IGDCC3: variants seen among roughly 807,000 people sequenced by gnomAD.
IGDCC3 encodes the protein putative neuronal cell adhesion molecule.
A neutral mutation model predicts 72.0 loss-of-function variants in IGDCC3; 47 were observed. The observed-to-expected ratio is 0.65, with a 90% CI of 0.52 to 0.83. The LOEUF (loss-of-function observed/expected upper bound fraction) is 0.83, where lower values mean the gene tolerates loss of function less well. Ranked by LOEUF, IGDCC3 falls within the 40% of genes least tolerant of loss-of-function variation. The pLI, the probability that IGDCC3 is intolerant of heterozygous loss-of-function variation, is 0.00. For missense variants in IGDCC3, 1,038 were observed against 1,091.3 expected, an observed-to-expected ratio of 0.95 and a Z score of 0.69; for synonymous variants, 477 against 472.8, an observed-to-expected ratio of 1.01 and a Z score of -0.11.
intron 2 of IGDCC3, among the ~76,000 whole-genome samples, chr15:65,342,753 G>A (rs369912746): frequency 1.4e-4 from 22 of 152,304 alleles, no homozygotes; most frequent in African/African-American, 4.6e-4. Flanking sequence ...CAGATCCCAC[G>A]CTAGGGCTGT....
intron 2 of IGDCC3, among the ~76,000 whole-genome samples, chr15:65,374,588 T>A (rs561515600): frequency 6.6e-6 from 1 of 152,310 alleles, no homozygotes; most frequent in South Asian, 2.1e-4. Flanking sequence ...ATTTTTTTAA[T>A]GCAAACTATT....
chr15:65,357,485 C>T (rs1351834673), intron 2 of IGDCC3, among the ~76,000 whole-genome samples: 1 of 152,202 alleles, frequency 6.6e-6, no homozygotes, highest in African/African-American at 2.4e-5. Flanking sequence ...CTAGACTGCC[C>T]ATAGCCAAAC....
Position 65,329,037 on chromosome 15 carries a change from T to G in IGDCC3, c.2317A>C (p.Thr773Pro). 1 of 1,612,638 alleles carries G rather than the reference T, an allele frequency of 6.2e-7. No individual in the cohort carries two copies. The highest frequency in any genetic ancestry group is 8.5e-7 in the Non-Finnish European group (1 of 1,179,548). ...GCCGCCAGGCCGGCGCAGGGAGCCG[T>G]GGCCTCTGTGGTCTTCGCCTCCGTC... ...KTTEAKTTEA[T>P]APCAGLAAAP... is the part of the protein sequence containing the mutation. Residue 773 changes from threonine (T) to proline (P), a missense_variant, in exon 14 of 14, where the codon ACG becomes CCG. Thr to Pro is a conservative substitution (Grantham distance 38). Coordinates refer to ENST00000327987, the MANE Select transcript of IGDCC3 (RefSeq NM_004884.4). The surrounding 1 kb of genome is among the most constrained non-coding windows in gnomAD (Gnocchi z 4.1).
At chr15:65,363,658 A>T (rs949595276) in intron 2 of IGDCC3, among the ~76,000 whole-genome samples, 1 of 132,686 alleles carries the variant, frequency 7.5e-6, no homozygotes, top group Admixed American at 7.1e-5. Flanking sequence ...CACCCCCGCC[A>T]CCCGCCTCCT....
At position 65,377,596 on chromosome 15, in the gene IGDCC3, C is replaced by G. The variant is rs1375124735; in HGVS notation, c.103+90G>C. On this transcript the variant is annotated intron_variant, in intron 1 of 13. Transcript: ENST00000327987. The surrounding 1 kb of genome is among the most constrained non-coding windows in gnomAD (Gnocchi z 4.9). ...CCGCCCTCAGGTCCGCGCCGCTCTC[C>G]CCGGGTCCGCCCCTCGCGCCCGCTC... is the stretch of plus-strand genomic sequence containing the variant. 1.3e-5 allele frequency: 16 copies of G among 1,261,466 alleles called. No individual in the cohort carries two copies. The highest frequency in any genetic ancestry group is 1.6e-5 in the Non-Finnish European group (16 of 991,940). 78.1% of individuals were successfully genotyped at this position (1,261,466 alleles called of 1,614,324 possible). A position where few individuals can be genotyped will look rare whatever the true frequency, so the allele number is the denominator to read the frequency against.
chr15:65,377,589 C>T lies in IGDCC3; in HGVS notation c.103+97G>A. 1 of 1,211,626 alleles carries T rather than the reference C, an allele frequency of 8.3e-7. No individual in the cohort carries two copies. The highest frequency in any genetic ancestry group is 1.0e-6 in the Non-Finnish European group (1 of 954,192). The allele number at this position is 1,211,626 out of a possible 1,614,324, so 75.1% of individuals were successfully genotyped here. A position where few individuals can be genotyped will look rare whatever the true frequency, so the allele number is the denominator to read the frequency against. ...GCGGGGTCCGCCCTCAGGTCCGCGC[C>T]GCTCTCCCCGGGTCCGCCCCTCGCG... On this transcript the variant is annotated intron_variant, in intron 1 of 13. Transcript: ENST00000327987. This position sits in a 1 kb window ranked among gnomAD's most constrained non-coding sequence, Gnocchi z 4.9.
chr15:65,375,388 C>A lies in IGDCC3; in HGVS notation c.118G>T (p.Ala40Ser), dbSNP rs1408276549. 34 of 1,599,790 alleles carry A rather than the reference C, an allele frequency of 2.1e-5. No individual in the cohort carries two copies. Among genetic ancestry groups the A allele is most frequent in the Non-Finnish European group, 2.9e-5 (34 of 1,168,818 alleles). The change falls in exon 2 of 14, where the codon GCT becomes TCT. Residue 40 changes from alanine (A) to serine (S), a missense_variant. Physicochemically the swap from Ala to Ser is moderately conservative, Grantham distance 99. Coordinates refer to ENST00000327987, the MANE Select transcript of IGDCC3 (RefSeq NM_004884.4). ...PAPSEGLGHS[A>S]ELAFAVEPSD... ...GGCTCCACAGCAAATGCCAGTTCAG[C>A]AGAGTGGCCAAGACCTGCATTGGGG...
At chr15:65,340,483 C>T (rs1226853795) in intron 2 of IGDCC3, among the ~76,000 whole-genome samples, 2 of 152,192 alleles carry the variant, frequency 1.3e-5, no homozygotes, top group Non-Finnish European at 2.9e-5. Context: ...GTCCCCACCT[C>T]ATACAGCCAT....
At chr15:65,345,590 G>A (rs544519023) in intron 2 of IGDCC3, among the ~76,000 whole-genome samples, 53 of 150,218 alleles carry the variant, frequency 3.5e-4, no homozygotes, top group African/African-American at 1.0e-3. Context: ...GCACACACAC[G>A]CATGCACACA....
At chr15:65,368,558 G>A (rs1004789235) in intron 2 of IGDCC3, among the ~76,000 whole-genome samples, 1 of 146,542 alleles carries the variant, frequency 6.8e-6, no homozygotes, top group Non-Finnish European at 1.5e-5. Context: ...ACAGAGTAAG[G>A]GGGCCCTCCC....
In IGDCC3 at chr15:65,330,652, C is replaced by T. The variant is rs573108336; in HGVS notation, c.1651G>A (p.Glu551Lys). 33 of 1,613,542 alleles carry T rather than the reference C, an allele frequency of 2.0e-5. No individual in the cohort carries two copies. Among genetic ancestry groups the T allele is most frequent in the South Asian group, 5.5e-5 (5 of 91,058 alleles). Residue 551 changes from glutamate to lysine, a missense_variant, in exon 10 of 14, where the codon GAG becomes AAG. Physicochemically the swap from Glu to Lys is moderately conservative, Grantham distance 56. Transcript: ENST00000327987. ...WEPWPRLAQH[E>K]GGFKLFYRPA... is the part of the protein sequence containing the mutation. ...CGGTAAAACAGCTTGAAGCCGCCCT[C>T]GTGCTGGGCCAGCCGGGGCCAAGGC...
At chr15:65,358,305 C>A (rs1023304508) in intron 2 of IGDCC3, among the ~76,000 whole-genome samples, 1 of 151,958 alleles carries the variant, frequency 6.6e-6, no homozygotes, top group African/African-American at 2.4e-5. Context: ...GGAGTTTTGC[C>A]ATGTTGCCCA....
chr15:65,363,083 C>T (rs1197827125), intron 2 of IGDCC3, among the ~76,000 whole-genome samples: 1 of 152,068 alleles, frequency 6.6e-6, no homozygotes, highest in Non-Finnish European at 1.5e-5. Context: ...TGGTCTGGAA[C>T]TCCTGACCTC....
In IGDCC3 at chr15:65,375,258, G is replaced by A. The variant is rs773467077; in HGVS notation, c.248C>T (p.Pro83Leu). 3 of 1,614,174 alleles carry A rather than the reference G, an allele frequency of 1.9e-6. No homozygotes were observed. Among genetic ancestry groups the A allele is most frequent in the Non-Finnish European group, 2.5e-6 (3 of 1,180,038 alleles). Residue 83 changes from proline (P) to leucine (L), a missense_variant, in exon 2 of 14, where the codon CCA becomes CTA. Coordinates refer to ENST00000327987, the MANE Select transcript of IGDCC3 (RefSeq NM_004884.4). ...CAGCAAGGTGGAGTGGGTACTCTCT[G>A]GCAGCTCTACCCCATTCTTCCTCCA... ...ITWRKNGVEL[P>L]ESTHSTLLAN...
rs932678866 is a variant in IGDCC3 at position 65,327,518 on chromosome 15, T to TA, written c.*1390dup. 1.3e-5 allele frequency: 2 copies of TA among 152,176 alleles called. No homozygotes were observed. Among genetic ancestry groups the TA allele is most frequent in the African/African-American group, 4.8e-5 (2 of 41,448 alleles). The allele number at this position is 152,176 out of a possible 1,614,324, so 9.4% of individuals were successfully genotyped here. On this transcript the variant is annotated 3_prime_UTR_variant, in exon 14 of 14. Coordinates refer to ENST00000327987, the MANE Select transcript of IGDCC3 (RefSeq NM_004884.4). ...AAGGAATACACTTATCTTTTTTCTTTAAAAAAAGTTTTTCTTCTGCTATTT... is the reference window on the plus strand; with the variant it reads ...AAGGAATACACTTATCTTTTTTCTTTAAAAAAAAGTTTTTCTTCTGCTATTT...
intron 2 of IGDCC3, among the ~76,000 whole-genome samples, chr15:65,367,361 A>G (rs1475557619): frequency 6.6e-6 from 1 of 150,914 alleles, no homozygotes; most frequent in Non-Finnish European, 1.5e-5. Context: ...AAAAAAAAAA[A>G]AAAAAGAAAA....
At position 65,328,317 on chromosome 15, in the gene IGDCC3, T is replaced by TTTTTTTTTA. The variant is rs34065363; in HGVS notation, c.*591_*592insTAAAAAAAA. The TTTTTTTTTA allele has an allele frequency of 3.9e-5, 5 of 129,032 alleles. No individual in the cohort carries two copies. Among genetic ancestry groups the TTTTTTTTTA allele is most frequent in the African/African-American group, 1.4e-4 (5 of 36,828 alleles). 8.0% of individuals were successfully genotyped at this position (129,032 alleles called of 1,614,324 possible). A position where few individuals can be genotyped will look rare whatever the true frequency, so the allele number is the denominator to read the frequency against. ...GTGCTTTTTTTTTTTTTTTTTTTTT[T>TTTTTTTTTA]ACTCTGGACAACAGTGTGGGAAGGG... On this transcript the variant is annotated 3_prime_UTR_variant, in exon 14 of 14. Transcript: ENST00000327987.
At chr15:65,341,760 A>G (rs2140147169) in intron 2 of IGDCC3, among the ~76,000 whole-genome samples, 1 of 152,294 alleles carries the variant, frequency 6.6e-6, no homozygotes, top group Middle Eastern at 3.4e-3. Flanking sequence ...TGTGGTAGCT[A>G]CAAGCCACAT....
At position 65,374,333 on chromosome 15, in the gene IGDCC3, G is replaced by A. The variant is rs143251805; in HGVS notation, c.409+764C>T. Among the ~76,000 whole-genome samples the A allele has an allele frequency of 1.7e-3, 258 of 152,154 alleles. 1 individual carries two copies. Among genetic ancestry groups the A allele is most frequent in the Non-Finnish European group, 3.3e-3 (221 of 67,996 alleles). On this transcript the variant is annotated intron_variant, in intron 2 of 13. Transcript: ENST00000327987. ...CTCCCTGGGATACATGGAGAATTTT[G>A]GTTTATGCAACACACTCCCAGTGTG...
Sources: gnomAD v4.1 joint callset for allele counts (sites outside exome capture counted in the v4.1 genomes callset) on GRCh38, gnomAD v4.1.1 for gene constraint, Gnocchi (gnomAD v3.1) non-coding constraint, MANE v1.5 for transcripts, NCBI Gene and HGNC (gene_info 2026-07-23, HGNC 2026-07-21) for gene names.